FAM220A: variants seen among roughly 807,000 people sequenced by gnomAD.
FAM220A encodes the protein family with sequence similarity 220 member A.
For synonymous variants in FAM220A, 141 were observed against 130.7 expected (o/e 1.08, Z -0.54); for missense variants, 392 against 321.6 (o/e 1.22, Z -1.68).
At chr7:6,345,036 G>C (rs550720765) in intron 1 of FAM220A, among the ~76,000 whole-genome samples, 1 of 151,708 alleles carries the variant, frequency 6.6e-6, no homozygotes, top group African/African-American at 2.4e-5. Context: ...ATCCCACCAC[G>C]CCCGGCCACT....
intron 1 of FAM220A, among the ~76,000 whole-genome samples, chr7:6,341,498 C>T (rs1262387101): frequency 2.7e-5 from 4 of 148,764 alleles, no homozygotes; most frequent in East Asian, 2.0e-4. Flanking sequence ...TCCTGGCTAA[C>T]GTGGTGAAAC....
chr7:6,343,400 ATAT>A (rs1781900570), intron 1 of FAM220A, among the ~76,000 whole-genome samples: 2 of 224 alleles, frequency 8.9e-3, no homozygotes, highest in Non-Finnish European at 0.015. Flanking sequence ...ATAATTTCAT[ATAT>A]ATATATATAT....
intron 1 of FAM220A, among the ~76,000 whole-genome samples, chr7:6,347,038 C>A (rs768804622): frequency 9.9e-5 from 15 of 152,162 alleles, no homozygotes; most frequent in Non-Finnish European, 2.2e-4. Context: ...TAGAAAAAGT[C>A]ATCTGAGGCT....
At chr7:6,345,045 CTGCGCCCGGCCAG>C (rs1012182463) in intron 1 of FAM220A, among the ~76,000 whole-genome samples, 1 of 152,062 alleles carries the variant, frequency 6.6e-6, no homozygotes, top group African/African-American at 2.4e-5. Context: ...CGCCCGGCCA[CTGCGCCCGGCCAG>C]AGTTTAGCTT....
rs1326933329 is a variant in FAM220A at position 6,348,881 on chromosome 7, C to CGGGCCGCAGTGGAGCGG, written c.-407_-391dup. 898 of 388,358 alleles carry CGGGCCGCAGTGGAGCGG rather than the reference C, an allele frequency of 2.3e-3. 22 individuals carry two copies. The Admixed American group carries it at 0.036, about 15-fold the overall frequency. 24.1% of individuals were successfully genotyped at this position (388,358 alleles called of 1,614,324 possible). ...GGCGGCGGCTAGACCGGCGGGCGGG[C>CGGGCCGCAGTGGAGCGG]GGGCCGCAGTGGAGCGGAGTCCGCA... On this transcript the variant is annotated 5_prime_UTR_variant, in exon 1 of 2. Coordinates refer to ENST00000313324, the MANE Select transcript of FAM220A (RefSeq NM_001037163.2).
intron 1 of FAM220A, among the ~76,000 whole-genome samples, chr7:6,340,717 G>A (rs1781835362): frequency 6.6e-6 from 1 of 151,858 alleles, no homozygotes; most frequent in Admixed American, 6.6e-5. Context: ...GGCTAACACG[G>A]TAAAACCCTG....
chr7:6,336,562 T>C (rs751069684), intron 1 of FAM220A, among the ~76,000 whole-genome samples: 63 of 150,652 alleles, frequency 4.2e-4, no homozygotes, highest in Non-Finnish European at 6.9e-4. Context: ...ATGCCTATAA[T>C]CCCAGCTATT....
chr7:6,333,074 G>A (rs1048214219), intron 1 of FAM220A, among the ~76,000 whole-genome samples: 2 of 151,024 alleles, frequency 1.3e-5, no homozygotes, highest in South Asian at 4.2e-4. Flanking sequence ...AGAGAATTGC[G>A]TGAACCCGGG....
At chr7:6,337,442 AAACAGGTCATAT>A (rs1207781150) in intron 1 of FAM220A, among the ~76,000 whole-genome samples, 1 of 151,264 alleles carries the variant, frequency 6.6e-6, no homozygotes, top group Non-Finnish European at 1.5e-5. Flanking sequence ...TTCTCAAGAA[AAACAGGTCATAT>A]AATATGGGAC....
chr7:6,343,516 T>C (rs1472645632), intron 1 of FAM220A, among the ~76,000 whole-genome samples: 1 of 149,866 alleles, frequency 6.7e-6, no homozygotes, highest in African/African-American at 2.5e-5. Context: ...CATGACTTGT[T>C]AAATTATAGC....
chr7:6,337,313 G>A (rs1479561826), intron 1 of FAM220A, among the ~76,000 whole-genome samples: 2 of 151,846 alleles, frequency 1.3e-5, no homozygotes, highest in African/African-American at 4.8e-5. Context: ...GTAGATATGG[G>A]GTTTTACCAT....
intron 1 of FAM220A, among the ~76,000 whole-genome samples, chr7:6,332,141 G>A (rs1781649975): frequency 6.6e-6 from 1 of 151,262 alleles, no homozygotes; most frequent in Admixed American, 6.6e-5. Flanking sequence ...TTGCGAAAAG[G>A]CTTTGAAATG....
In FAM220A at chr7:6,341,227, G is replaced by A. The variant is rs547174309; in HGVS notation, c.-82+7346C>T. On this transcript the variant is annotated intron_variant, in intron 1 of 1. Transcript: ENST00000313324. ...TGGGAGGCCAAGGAGGGTAGATCAGGAGGTCAGGAGATTGAGACCATCCTG... is the reference window on the plus strand; with the variant it reads ...TGGGAGGCCAAGGAGGGTAGATCAGAAGGTCAGGAGATTGAGACCATCCTG... 2.7e-3 allele frequency among the ~76,000 whole-genome samples: 402 copies of A among 151,162 alleles called. 2 individuals are homozygous for A. The highest frequency in any genetic ancestry group is 0.01 in the Middle Eastern group (3 of 292).
At position 6,331,943 on chromosome 7, in the gene FAM220A, G is replaced by A. The variant is rs566959865; in HGVS notation, c.-81-708C>T. ...GTATTTTTAGTAGAGATGAGGGTTC[G>A]CCATGTTGGCCAGGTGAAATTAGCC... On this transcript the variant is annotated intron_variant, in intron 1 of 1. Transcript: ENST00000313324. Among the ~76,000 whole-genome samples, 14 of 151,398 alleles carry A rather than the reference G, an allele frequency of 9.2e-5. 1 individual carries two copies. In the South Asian group the frequency reaches 1.7e-3, roughly 18 times the overall value.
intron 1 of FAM220A, among the ~76,000 whole-genome samples, chr7:6,347,139 C>A (rs967283055): frequency 1.3e-5 from 2 of 152,104 alleles, no homozygotes; most frequent in Admixed American, 6.6e-5. Flanking sequence ...CCAGCCTTGG[C>A]AACATGGGAA....
At chr7:6,343,313 G>C (rs1781898431) in intron 1 of FAM220A, among the ~76,000 whole-genome samples, 1 of 149,122 alleles carries the variant, frequency 6.7e-6, no homozygotes, top group Admixed American at 6.8e-5. Context: ...GGAAGCGGAG[G>C]TTGCAGTGAT....
chr7:6,330,238 T>G lies in FAM220A; in HGVS notation c.*137A>C. 1 of 848,226 alleles carries G rather than the reference T, an allele frequency of 1.2e-6. No homozygotes were observed. Among genetic ancestry groups the G allele is most frequent in the Non-Finnish European group, 1.8e-6 (1 of 553,540 alleles). The allele number at this position is 848,226 out of a possible 1,614,324, so 52.5% of individuals were successfully genotyped here. On this transcript the variant is annotated 3_prime_UTR_variant, in exon 2 of 2. Transcript: ENST00000313324. Reference sequence around the variant, plus strand: ...ACTGGCTTTGAATTTAAACTCAATTTACTTTAAGTCTGCCAGGTCGTACAA... The same window carrying G: ...ACTGGCTTTGAATTTAAACTCAATTGACTTTAAGTCTGCCAGGTCGTACAA...
intron 1 of FAM220A, among the ~76,000 whole-genome samples, chr7:6,336,123 A>C (rs1269479214): frequency 6.6e-6 from 1 of 151,356 alleles, no homozygotes; most frequent in Non-Finnish European, 1.5e-5. Context: ...CAGTAAGCCA[A>C]GATAGCACCA....
intron 1 of FAM220A, among the ~76,000 whole-genome samples, chr7:6,346,339 G>C (rs1781951030): frequency 6.6e-6 from 1 of 152,024 alleles, no homozygotes; most frequent in Non-Finnish European, 1.5e-5. Flanking sequence ...ACCTCAATTT[G>C]GACCTCAAAA....
Sources: gnomAD v4.1 joint callset for allele counts (sites outside exome capture counted in the v4.1 genomes callset) on GRCh38, gnomAD v4.1.1 for gene constraint, MANE v1.5 for transcripts, NCBI Gene and HGNC (gene_info 2026-07-23, HGNC 2026-07-21) for gene names.